NEGR1: variants seen among roughly 807,000 people sequenced by gnomAD.
NEGR1 encodes IgLON family member 4.
In NEGR1, 10 loss-of-function variants were observed where a neutral mutation model predicts 40.9. The ratio of observed to expected loss-of-function variants is 0.24; its 90% CI spans 0.15 to 0.42. The LOEUF (loss-of-function observed/expected upper bound fraction) is 0.42, where lower values mean the gene tolerates loss of function less well. NEGR1 is among the 10% of genes least tolerant of loss of function. The probability of loss-of-function intolerance (pLI) is 1.00; values close to 1 mark genes in which losing one functional copy is unlikely to be tolerated. For synonymous variants in NEGR1, 185 were observed against 166.8 expected (o/e 1.11, Z -0.84); for missense variants, 352 against 438.9 (o/e 0.80, Z 1.77).
chr1:71,506,043 A>T (rs975048749), intron 6 of NEGR1, among the ~76,000 whole-genome samples: 2 of 152,190 alleles, frequency 1.3e-5, no homozygotes, highest in Non-Finnish European at 2.9e-5. Context: ...CAGAGAAAAT[A>T]TCGGGAATAG....
intron 6 of NEGR1, among the ~76,000 whole-genome samples, chr1:71,479,129 C>A (rs1016750916): frequency 1.3e-5 from 2 of 151,986 alleles, no homozygotes; most frequent in Non-Finnish European, 2.9e-5. Flanking sequence ...ATGAACATTT[C>A]ACTTTACCAT....
At chr1:72,103,619 A>G (rs1012316892) in intron 1 of NEGR1, among the ~76,000 whole-genome samples, 1 of 152,088 alleles carries the variant, frequency 6.6e-6, no homozygotes, top group African/African-American at 2.4e-5. Context: ...ATTTTGTGTT[A>G]AGCTACGTTT....
At chr1:72,051,689 T>C (rs1334631778) in intron 1 of NEGR1, among the ~76,000 whole-genome samples, 1 of 151,364 alleles carries the variant, frequency 6.6e-6, no homozygotes, top group African/African-American at 2.4e-5. Flanking sequence ...ATTGGCAGCA[T>C]AGTTTTGCTG....
rs1646247810 is a variant in NEGR1, at chr1:71,401,731, G to A, written c.*5715C>T. ...AATTCTGTTGATTGCAGATGTCTGA[G>A]GAATAGTCTTAGTGGATTATCCCAA... On this transcript the variant is annotated 3_prime_UTR_variant, in exon 7 of 7. Transcript: ENST00000357731. The A allele has an allele frequency of 6.6e-6, 1 of 152,106 alleles. No individual in the cohort carries two copies. Among genetic ancestry groups the A allele is most frequent in the Non-Finnish European group, 1.5e-5 (1 of 68,012 alleles). 9.4% of individuals were successfully genotyped at this position (152,106 alleles called of 1,614,324 possible).
intron 2 of NEGR1, among the ~76,000 whole-genome samples, chr1:71,870,898 C>A (rs1660260453): frequency 6.6e-6 from 1 of 152,140 alleles, no homozygotes; most frequent in Non-Finnish European, 1.5e-5. Context: ...CAATAAACTG[C>A]AAGATTTTGT....
intron 5 of NEGR1, among the ~76,000 whole-genome samples, chr1:71,596,287 G>T (rs971303537): frequency 3.3e-5 from 5 of 152,106 alleles, no homozygotes; most frequent in Middle Eastern, 3.2e-3. Flanking sequence ...CATAACTCTC[G>T]CTCCTCTTCT....
chr1:71,551,026 C>A (rs1257802963), intron 6 of NEGR1, among the ~76,000 whole-genome samples: 1 of 151,510 alleles, frequency 6.6e-6, no homozygotes, highest in Non-Finnish European at 1.5e-5. Flanking sequence ...GTATGGTACT[C>A]TACATTGTAT....
intron 2 of NEGR1, chr1:71,836,955 A>G (rs1659054957): frequency 6.6e-6 from 1 of 152,122 alleles, no homozygotes; most frequent in South Asian, 2.1e-4. Flanking sequence ...GGAAGAAAAC[A>G]AAAAATCAGG....
intron 3 of NEGR1, among the ~76,000 whole-genome samples, chr1:71,771,720 AAAG>A (rs1656333272): frequency 6.6e-6 from 1 of 150,586 alleles, no homozygotes; most frequent in African/African-American, 2.4e-5. Flanking sequence ...AAAAAAAAAA[AAAG>A]GTGTGAATCC....
intron 1 of NEGR1, among the ~76,000 whole-genome samples, chr1:71,968,828 T>C (rs941384461): frequency 1.3e-5 from 2 of 152,142 alleles, no homozygotes; most frequent in African/African-American, 4.8e-5. Context: ...TAAGAGGCCT[T>C]GGTTTTAGGC....
At chr1:71,532,195 A>AGG (rs1231949738) in intron 6 of NEGR1, among the ~76,000 whole-genome samples, 2 of 151,578 alleles carry the variant, frequency 1.3e-5, no homozygotes, top group African/African-American at 4.8e-5. Context: ...AACGAGAAAA[A>AGG]GGTTGTTTCT....
chr1:72,151,328 T>G (rs956158620), intron 1 of NEGR1, among the ~76,000 whole-genome samples: 4 of 151,402 alleles, frequency 2.6e-5, no homozygotes, highest in African/African-American at 9.7e-5. Flanking sequence ...TTTTAGGCAT[T>G]ATACTAATTT....
chr1:71,526,290 G>GA (rs1242948903), intron 6 of NEGR1, among the ~76,000 whole-genome samples: 1 of 151,264 alleles, frequency 6.6e-6, no homozygotes, highest in Non-Finnish European at 1.5e-5. Flanking sequence ...TTTAAATTAG[G>GA]AAAAAACCCT....
chr1:71,916,601 A>G (rs980429559), intron 2 of NEGR1, among the ~76,000 whole-genome samples: 1 of 151,786 alleles, frequency 6.6e-6, no homozygotes, highest in Non-Finnish European at 1.5e-5. Context: ...AAAAAAATAC[A>G]AAAAATTAGC....
At chr1:71,506,899 G>A (rs1194469945) in intron 6 of NEGR1, among the ~76,000 whole-genome samples, 1 of 152,172 alleles carries the variant, frequency 6.6e-6, no homozygotes, top group Non-Finnish European at 1.5e-5. Flanking sequence ...CTAATGGCTA[G>A]TCAGCCCAAA....
intron 1 of NEGR1, among the ~76,000 whole-genome samples, chr1:72,038,332 T>C (rs1445106364): frequency 1.3e-5 from 2 of 152,008 alleles, no homozygotes; most frequent in Non-Finnish European, 2.9e-5. Flanking sequence ...TTAAAACAAG[T>C]TAAAGTTTAA....
At chr1:71,558,635 G>T (rs2101477227) in intron 6 of NEGR1, among the ~76,000 whole-genome samples, 1 of 150,768 alleles carries the variant, frequency 6.6e-6, no homozygotes, top group South Asian at 2.1e-4. Context: ...CAGTTTTGTA[G>T]CTTAAATTGT....
intron 1 of NEGR1, among the ~76,000 whole-genome samples, chr1:72,221,723 A>G (rs1451395646): frequency 6.6e-6 from 1 of 152,088 alleles, no homozygotes; most frequent in African/African-American, 2.4e-5. Flanking sequence ...TTTTTACACC[A>G]AGTCTTCTTT....
At chr1:71,544,504 AAAT>A (rs1401645628) in intron 6 of NEGR1, among the ~76,000 whole-genome samples, 2 of 151,754 alleles carry the variant, frequency 1.3e-5, no homozygotes, top group African/African-American at 4.8e-5. Context: ...AAAACAGGGA[AAAT>A]AATAACTTGC....
Sources: gnomAD v4.1 joint callset for allele counts (sites outside exome capture counted in the v4.1 genomes callset) on GRCh38, gnomAD v4.1.1 for gene constraint, MANE v1.5 for transcripts, NCBI Gene and HGNC (gene_info 2026-07-23, HGNC 2026-07-21) for gene names.